Variants in MEF2C observed in about 807,000 individuals in gnomAD.
MEF2C encodes the protein myocyte-specific enhancer factor 2C.
MEF2C carries 6 observed loss-of-function variants against 50.5 expected under a neutral mutation model. The observed-to-expected ratio is 0.12, with a 90% confidence interval of 0.07 to 0.23. The LOEUF is 0.23. MEF2C is among the 10% of genes least tolerant of loss of function. The probability of loss-of-function intolerance (pLI) is 1.00; values close to 1 mark genes in which losing one functional copy is unlikely to be tolerated. For missense variants in MEF2C, 276 were observed against 605.0 expected (o/e 0.46, Z 5.70); for synonymous variants, 183 against 228.0 (o/e 0.80, Z 1.78).
Position 88,717,386 on chromosome 5 carries a change from T to C in MEF2C, c.*5218A>G, listed in dbSNP as rs1412814693. The stretch of plus-strand genomic sequence containing the variant: ...GGCCAAAGTGGCTCCCTCATAGCAC[T>C]TTGTAGACTTCCCTGAGAATGCCTT... On this transcript the variant is annotated 3_prime_UTR_variant, in exon 11 of 11. Transcript: ENST00000504921. 1 of 152,238 alleles carries C rather than the reference T, an allele frequency of 6.6e-6. No individual in the cohort carries two copies. The highest frequency in any genetic ancestry group is 1.9e-4 in the East Asian group (1 of 5,202). The allele number at this position is 152,238 out of a possible 1,614,324, so 9.4% of individuals were successfully genotyped here. A position where few individuals can be genotyped will look rare whatever the true frequency, so the allele number is the denominator to read the frequency against.
chr5:88,857,063 G>A (rs1038528551), intron 1 of MEF2C, among the ~76,000 whole-genome samples: 1 of 152,208 alleles, frequency 6.6e-6, no homozygotes, highest in African/African-American at 2.4e-5. Flanking sequence ...GGGGGGCTGG[G>A]GGGCTATACC....
At chr5:88,871,624 C>T (rs1324776915) in intron 1 of MEF2C, among the ~76,000 whole-genome samples, 1 of 152,032 alleles carries the variant, frequency 6.6e-6, no homozygotes, top group Non-Finnish European at 1.5e-5. Context: ...TATTACCTGA[C>T]ATCCAAAATA....
chr5:88,812,328 G>T (rs1007376533), intron 2 of MEF2C, among the ~76,000 whole-genome samples: 1 of 152,090 alleles, frequency 6.6e-6, no homozygotes, highest in Non-Finnish European at 1.5e-5. Flanking sequence ...GAATTATAGT[G>T]TTTTTTGTAA....
At chr5:88,811,416 T>A (rs746307666) in intron 2 of MEF2C, among the ~76,000 whole-genome samples, 13 of 152,144 alleles carry the variant, frequency 8.5e-5, no homozygotes, top group Non-Finnish European at 1.6e-4. Flanking sequence ...TATGTTCACA[T>A]AGAGCTGCAT....
intron 4 of MEF2C, 103 bp from the exon 5 acceptor site, chr5:88,752,146 A>T: frequency 9.4e-7 from 1 of 1,061,900 alleles, no homozygotes; most frequent in African/African-American, 1.6e-5. Context: ...TCTACATTCC[A>T]AACTACTTTG....
intron 2 of MEF2C, among the ~76,000 whole-genome samples, chr5:88,809,160 A>G (rs1801742710): frequency 3.3e-5 from 5 of 152,070 alleles, no homozygotes; most frequent in African/African-American, 7.2e-5. Flanking sequence ...AGTGGCCCTG[A>G]CTTTTAAATC....
At chr5:88,851,030 C>T (rs1016015152) in intron 1 of MEF2C, among the ~76,000 whole-genome samples, 1 of 151,868 alleles carries the variant, frequency 6.6e-6, no homozygotes, top group African/African-American at 2.4e-5. Context: ...TGTAAGAATG[C>T]AGTATATTCC....
At chr5:88,799,087 T>G (rs1797200439) in intron 3 of MEF2C, among the ~76,000 whole-genome samples, 1 of 152,194 alleles carries the variant, frequency 6.6e-6, no homozygotes, top group African/African-American at 2.4e-5. Flanking sequence ...CGACCCCTGC[T>G]GGGAAGTGTC....
intron 3 of MEF2C, among the ~76,000 whole-genome samples, chr5:88,800,062 C>T (rs547057593): frequency 6.6e-6 from 1 of 152,308 alleles, no homozygotes; most frequent in Admixed American, 6.5e-5. Flanking sequence ...TTTTATTCCC[C>T]TTCCACACTT....
intron 1 of MEF2C, among the ~76,000 whole-genome samples, chr5:88,842,067 C>T (rs1383451593): frequency 6.6e-6 from 1 of 152,150 alleles, no homozygotes; most frequent in Admixed American, 6.5e-5. Context: ...CTTTAGTCAA[C>T]CAGATACTTC....
At chr5:88,766,938 T>A in intron 3 of MEF2C, 1 of 373,052 alleles carries the variant, frequency 2.7e-6, no homozygotes, top group Non-Finnish European at 3.7e-6. Context: ...TATCTACTCT[T>A]AACAAGCTGA....
intron 1 of MEF2C, among the ~76,000 whole-genome samples, chr5:88,830,351 G>A (rs1054251249): frequency 6.6e-6 from 1 of 151,902 alleles, no homozygotes; most frequent in African/African-American, 2.4e-5. Flanking sequence ...AAAGGAACTC[G>A]TTTTCTTAAC....
At chr5:88,733,571 C>A in intron 6 of MEF2C, 1 of 985,228 alleles carries the variant, frequency 1.0e-6, no homozygotes, top group African/African-American at 1.7e-5. Context: ...GAAGGCAGAG[C>A]AAAGGTATAT....
rs927684098 is a variant in MEF2C, at chr5:88,734,580, T to G, written c.638-2679A>C. ...AGAAAAGTTTGTTTTTTTTTTTTTT[T>G]TTTTTTTTTTTTTTTTTTAGCATTT... is the stretch of plus-strand genomic sequence containing the variant. On this transcript the variant is annotated intron_variant, in intron 6 of 10. Coordinates refer to ENST00000504921, the MANE Select transcript of MEF2C (RefSeq NM_002397.5). 1,051 of 958,296 alleles carry G rather than the reference T, an allele frequency of 1.1e-3. 11 individuals carry two copies. The African/African-American group carries it at 0.016, about 14-fold the overall frequency. The allele number at this position is 958,296 out of a possible 1,614,324, so 59.4% of individuals were successfully genotyped here.
Position 88,843,698 on chromosome 5 carries a change from C to T in MEF2C, c.-142-19768G>A, listed in dbSNP as rs183053617. Among the ~76,000 whole-genome samples, 9 of 151,206 alleles carry T rather than the reference C, an allele frequency of 6.0e-5. No individual in the cohort carries two copies. In the East Asian group the frequency reaches 1.7e-3, roughly 29 times the overall value. ...CTAATCCAGAAAATTATCATGTTAA[C>T]AGATTCTATTTCAAGTTGGAAACAC... is the stretch of plus-strand genomic sequence containing the variant. On this transcript the variant is annotated intron_variant, in intron 1 of 10. Transcript: ENST00000504921.
intron 1 of MEF2C, among the ~76,000 whole-genome samples, chr5:88,845,668 G>T (rs1222894152): frequency 6.6e-6 from 1 of 152,178 alleles, no homozygotes; most frequent in Non-Finnish European, 1.5e-5. Context: ...CATCTCAGAA[G>T]TTGGTGATAA....
intron 1 of MEF2C, among the ~76,000 whole-genome samples, chr5:88,867,737 A>G (rs1156886720): frequency 6.6e-6 from 1 of 152,228 alleles, no homozygotes; most frequent in Non-Finnish European, 1.5e-5. Flanking sequence ...GTCATACTTG[A>G]AAGTATCAAT....
chr5:88,802,254 A>G (rs1474019216), intron 3 of MEF2C, among the ~76,000 whole-genome samples: 1 of 152,378 alleles, frequency 6.6e-6, no homozygotes, highest in East Asian at 1.9e-4. Flanking sequence ...TTCATTTTTG[A>G]GATGAGAAAA....
chr5:88,881,069 A>G (rs1036398386), intron 1 of MEF2C: 4 of 152,156 alleles, frequency 2.6e-5, no homozygotes, highest in Non-Finnish European at 4.4e-5. Flanking sequence ...TATATTAATA[A>G]AAATAGTAGG....
Sources: gnomAD v4.1 joint callset for allele counts (sites outside exome capture counted in the v4.1 genomes callset) on GRCh38, gnomAD v4.1.1 for gene constraint, MANE v1.5 for transcripts, NCBI Gene and HGNC (gene_info 2026-07-23, HGNC 2026-07-21) for gene names.